The following TMEM117 variants were observed in gnomAD, a reference collection of about 807,000 sequenced individuals.
TMEM117 encodes the protein transmembrane protein 117.
A neutral mutation model predicts 52.4 loss-of-function variants in TMEM117; 27 were observed. That is an observed-to-expected ratio of 0.51 (90% confidence interval 0.38 to 0.71). The LOEUF (loss-of-function observed/expected upper bound fraction) is 0.71. TMEM117 is among the 30% of genes least tolerant of loss of function. The pLI is 0.00. For synonymous variants in TMEM117, 215 were observed against 206.3 expected (o/e 1.04, Z -0.36); for missense variants, 556 against 630.5 (o/e 0.88, Z 1.26).
At chr12:44,239,781 A>G (rs1233520044) in intron 5 of TMEM117, among the ~76,000 whole-genome samples, 4 of 152,110 alleles carry the variant, frequency 2.6e-5, no homozygotes, top group Admixed American at 1.3e-4. Context: ...ACATGCACAC[A>G]TACACATGCT....
the TMEM117 span, among the ~76,000 whole-genome samples, chr12:43,811,224 G>T: frequency 6.6e-6 from 1 of 152,154 alleles, no homozygotes; most frequent in South Asian, 2.1e-4. Flanking sequence ...TTCTTGAAAG[G>T]CTTCTTAAGT....
intron 3 of TMEM117, among the ~76,000 whole-genome samples, chr12:43,962,753 T>TTCACGAAATACGAAAAC (rs1177893362): frequency 6.6e-6 from 1 of 152,044 alleles, no homozygotes; most frequent in Non-Finnish European, 1.5e-5. Flanking sequence ...ACCCTGTCTC[T>TTCACGAAATACGAAAAC]ACTAAAAATA....
chr12:44,140,723 T>C (rs530916366), intron 3 of TMEM117, among the ~76,000 whole-genome samples: 2 of 152,244 alleles, frequency 1.3e-5, no homozygotes, highest in South Asian at 4.1e-4. Context: ...GTTTATACTT[T>C]CATCAAGGAT....
chr12:44,033,382 GACTC>G (rs1438550709), intron 3 of TMEM117, among the ~76,000 whole-genome samples: 15 of 152,036 alleles, frequency 9.9e-5, no homozygotes, highest in Admixed American at 9.2e-4. Flanking sequence ...TCACTTTATG[GACTC>G]ACTCTGAATT....
chr12:44,114,649 A>G (rs942813484), intron 3 of TMEM117, among the ~76,000 whole-genome samples: 8 of 152,174 alleles, frequency 5.3e-5, no homozygotes, highest in Middle Eastern at 3.2e-3. Flanking sequence ...CAGTGAGGCC[A>G]ATCATACTTA....
chr12:44,229,908 A>C (rs1949911227), intron 5 of TMEM117, among the ~76,000 whole-genome samples: 1 of 152,166 alleles, frequency 6.6e-6, no homozygotes, highest in African/African-American at 2.4e-5. Context: ...ACATTTGCTT[A>C]TAAAAATAAC....
intron 5 of TMEM117, among the ~76,000 whole-genome samples, chr12:44,284,737 C>A (rs548038231): frequency 6.6e-6 from 1 of 152,348 alleles, no homozygotes; most frequent in African/African-American, 2.4e-5. Flanking sequence ...TAAGCAGCAG[C>A]AATGTAGCAG....
intron 4 of TMEM117, among the ~76,000 whole-genome samples, chr12:44,164,245 G>A (rs983371029): frequency 2.0e-5 from 3 of 152,068 alleles, no homozygotes; most frequent in African/African-American, 7.2e-5. Flanking sequence ...TTGGGGTAAA[G>A]TGGTTTTTGG....
In TMEM117 at chr12:43,987,551, GT is replaced by G. The variant is rs753465021; in HGVS notation, c.410+43221del. Among the ~76,000 whole-genome samples, 1,421 of 143,216 alleles carry G rather than the reference GT, an allele frequency of 9.9e-3. 14 individuals are homozygous for G. The highest frequency in any genetic ancestry group is 0.031 in the African/African-American group (1,221 of 39,546). The allele number at this position is 143,216 out of a possible 152,430, so 94.0% of individuals were successfully genotyped here. On this transcript the variant is annotated intron_variant, in intron 3 of 7. Coordinates refer to ENST00000266534, the MANE Select transcript of TMEM117 (RefSeq NM_032256.3). Reference sequence around the variant, plus strand: ...AACCTCTCAATGAAGCTTTTAGTTAGTTTTTTTTTTTTCCCTTGGGAGTCTT... The same window carrying G: ...AACCTCTCAATGAAGCTTTTAGTTAGTTTTTTTTTTTCCCTTGGGAGTCTT...
At chr12:44,163,392 AC>A (rs1235154887) in intron 4 of TMEM117, among the ~76,000 whole-genome samples, 6 of 152,222 alleles carry the variant, frequency 3.9e-5, no homozygotes, top group African/African-American at 1.4e-4. Context: ...AACAAGTTCA[AC>A]ATTTATTTAG....
downstream of TMEM117, among the ~76,000 whole-genome samples, chr12:44,392,419 T>C (rs897544590): frequency 6.6e-6 from 1 of 152,124 alleles, no homozygotes; most frequent in African/African-American, 2.4e-5. Flanking sequence ...CTAGTACTCT[T>C]ATGTGTTGTG....
intron 3 of TMEM117, among the ~76,000 whole-genome samples, chr12:43,956,856 AT>A (rs1221568158): frequency 1.3e-5 from 2 of 152,210 alleles, no homozygotes; most frequent in East Asian, 3.8e-4. Flanking sequence ...ATGCACACCT[AT>A]GTTCATTGCA....
chr12:43,996,640 C>CTAAATAAA (rs1254755870), intron 3 of TMEM117, among the ~76,000 whole-genome samples: 1 of 53,462 alleles, frequency 1.9e-5, no homozygotes, highest in African/African-American at 3.7e-5. Flanking sequence ...AAGACTCCAT[C>CTAAATAAA]TCAATAAATA....
chr12:43,967,671 G>A (rs538566144), intron 3 of TMEM117, among the ~76,000 whole-genome samples: 2 of 152,256 alleles, frequency 1.3e-5, no homozygotes, highest in East Asian at 1.9e-4. Context: ...AGCCTCAGCC[G>A]ATGTGGTGAT....
At chr12:44,256,539 G>T (rs113682801) in intron 5 of TMEM117, among the ~76,000 whole-genome samples, 3 of 152,112 alleles carry the variant, frequency 2.0e-5, no homozygotes, top group African/African-American at 7.2e-5. Context: ...GAATTTTGAT[G>T]TAGATTTATA....
At chr12:44,051,451 T>C (rs1051852658) in intron 3 of TMEM117, among the ~76,000 whole-genome samples, 3 of 152,198 alleles carry the variant, frequency 2.0e-5, no homozygotes, top group African/African-American at 7.2e-5. Flanking sequence ...TAAAATATAC[T>C]TGAAGCCCAA....
intron 2 of TMEM117, among the ~76,000 whole-genome samples, chr12:43,879,762 C>T (rs930499803): frequency 6.6e-6 from 1 of 152,208 alleles, no homozygotes; most frequent in African/African-American, 2.4e-5. Context: ...TAATTTGTTT[C>T]TGCTGCCTTT....
At chr12:44,153,906 A>C (rs1311867471) in intron 4 of TMEM117, among the ~76,000 whole-genome samples, 1 of 152,020 alleles carries the variant, frequency 6.6e-6, no homozygotes, top group African/African-American at 2.4e-5. Context: ...CAAGAGATTA[A>C]AGTAATTTGA....
chr12:44,171,043 T>G (rs1239202240), intron 4 of TMEM117, among the ~76,000 whole-genome samples: 1 of 145,128 alleles, frequency 6.9e-6, no homozygotes, highest in Admixed American at 7.2e-5. Flanking sequence ...TGAGACGGAG[T>G]CTCGCTCTGT....
Sources: allele counts gnomAD v4.1 joint callset (sites outside exome capture counted in the v4.1 genomes callset), GRCh38; gene constraint gnomAD v4.1.1; transcripts MANE v1.5; gene names NCBI Gene and HGNC (gene_info 2026-07-23, HGNC 2026-07-21).